PIBF1: variants seen among roughly 807,000 people sequenced by gnomAD.
The protein encoded by PIBF1 is progesterone-induced-blocking factor 1.
PIBF1 carries 90 observed loss-of-function variants against 112.5 expected under a neutral mutation model. The observed-to-expected ratio is 0.80, with a 90% CI of 0.67 to 0.95. The LOEUF is 0.95. Among genes scored for constraint, PIBF1 ranks in the 40% least tolerant of loss-of-function variants. The probability of loss-of-function intolerance (pLI) is 0.00; values close to 1 mark genes in which losing one functional copy is unlikely to be tolerated. For synonymous variants in PIBF1, 301 were observed against 288.6 expected, an observed-to-expected ratio of 1.04 and a Z score of -0.44; for missense variants, 915 against 852.3, an observed-to-expected ratio of 1.07 and a Z score of -0.92.
At chr13:72,895,831 C>A (rs978610408) in intron 11 of PIBF1, among the ~76,000 whole-genome samples, 5 of 152,074 alleles carry the variant, frequency 3.3e-5, no homozygotes, top group African/African-American at 9.7e-5. Context: ...CTGCAGGACC[C>A]GGAAGACACC....
At position 72,821,896 on chromosome 13, in the gene PIBF1, T is replaced by G. The variant is rs191281785; in HGVS notation, c.720T>G (p.Cys240Trp). The change falls in exon 6 of 18, where the codon TGT (cysteine) becomes TGG (tryptophan). Residue 240 changes from cysteine to tryptophan, a missense_variant. Physicochemically the swap from Cys to Trp is radical, Grantham distance 215 (BLOSUM62 -2). Coordinates refer to ENST00000326291, the MANE Select transcript of PIBF1 (RefSeq NM_006346.4). ...RKNYSEVQIR[C>W]QRLALELADT... ...ACTACTCTGAAGTTCAAATTAGATG[T>G]CAACGTTTGGCCTTAGAATTAGCAG... The G allele has an allele frequency of 2.9e-5, 47 of 1,612,890 alleles. No homozygotes were observed. The highest frequency in any genetic ancestry group is 1.2e-4 in the Admixed American group (7 of 59,942).
Position 72,944,170 on chromosome 13 carries a change from G to A in PIBF1, c.1833+12903G>A, listed in dbSNP as rs939879112. Among the ~76,000 whole-genome samples the A allele has an allele frequency of 3.3e-5, 5 of 152,148 alleles. No homozygotes were observed. In the South Asian group the frequency reaches 1.0e-3, roughly 32 times the overall value. ...ATATAGGAGTATTCAGAATAAGCCGGGTGTGGTGGCTAATGCCTGTAATCC... is the reference window on the plus strand; with the variant it reads ...ATATAGGAGTATTCAGAATAAGCCGAGTGTGGTGGCTAATGCCTGTAATCC... On this transcript the variant is annotated intron_variant, in intron 14 of 17. Transcript: ENST00000326291.
intron 14 of PIBF1, among the ~76,000 whole-genome samples, chr13:72,931,706 C>T (rs2138768179): frequency 1.3e-5 from 1 of 79,380 alleles, no homozygotes; most frequent in African/African-American, 4.3e-5. Flanking sequence ...AGCCTTATGT[C>T]ATTTAAACTA....
At chr13:72,871,688 T>C (rs1406247247) in intron 10 of PIBF1, among the ~76,000 whole-genome samples, 1 of 152,192 alleles carries the variant, frequency 6.6e-6, no homozygotes. Context: ...GAAAAATAGG[T>C]TGGAGCTCAC....
At chr13:72,861,655 C>G (rs2038703473) in intron 10 of PIBF1, among the ~76,000 whole-genome samples, 1 of 152,114 alleles carries the variant, frequency 6.6e-6, no homozygotes, top group Middle Eastern at 3.2e-3. Flanking sequence ...GCCTCCACCT[C>G]CCAGAGTTCA....
chr13:72,804,025 C>T (rs1593924697), intron 5 of PIBF1, among the ~76,000 whole-genome samples: 1 of 152,132 alleles, frequency 6.6e-6, no homozygotes, highest in African/African-American at 2.4e-5. Context: ...TTTCTTTCCT[C>T]TTCAGTCTGT....
At chr13:72,914,952 C>T (rs771557460) in intron 12 of PIBF1, among the ~76,000 whole-genome samples, 1 of 152,062 alleles carries the variant, frequency 6.6e-6, no homozygotes, top group Non-Finnish European at 1.5e-5. Context: ...GTTGCTCTCT[C>T]TATTAGCAGA....
chr13:72,818,792 G>A (rs1025900886), intron 5 of PIBF1, among the ~76,000 whole-genome samples: 3 of 144,154 alleles, frequency 2.1e-5, no homozygotes, highest in African/African-American at 7.8e-5. Flanking sequence ...GAGCACTACT[G>A]GCAAAAATCA....
chr13:72,876,940 C>T (rs2039434057), intron 10 of PIBF1, among the ~76,000 whole-genome samples: 1 of 152,092 alleles, frequency 6.6e-6, no homozygotes, highest in Admixed American at 6.6e-5. Context: ...GCATCAACTT[C>T]GAATATGATG....
At chr13:72,867,019 C>A (rs2038956851) in intron 10 of PIBF1, among the ~76,000 whole-genome samples, 1 of 152,150 alleles carries the variant, frequency 6.6e-6, no homozygotes, top group African/African-American at 2.4e-5. Context: ...TAAGTCTGTG[C>A]TTCATACAGT....
intron 14 of PIBF1, among the ~76,000 whole-genome samples, chr13:72,942,283 A>AAC (rs1236886321): frequency 2.7e-5 from 4 of 150,856 alleles, no homozygotes; most frequent in Non-Finnish European, 5.9e-5. Flanking sequence ...AAAAAAAAAA[A>AAC]CCCACTGTTT....
At chr13:72,975,829 CA>C (rs1213583998) in intron 16 of PIBF1, among the ~76,000 whole-genome samples, 2 of 152,192 alleles carry the variant, frequency 1.3e-5, no homozygotes, top group South Asian at 2.1e-4. Flanking sequence ...CTGATTCATT[CA>C]CTATGTGGAA....
At chr13:73,011,054 G>GACCT (rs931448248) in intron 17 of PIBF1, among the ~76,000 whole-genome samples, 10 of 149,448 alleles carry the variant, frequency 6.7e-5, no homozygotes, top group African/African-American at 1.9e-4. Context: ...TCGAACTCCT[G>GACCT]ACCTCAGGTG....
rs768587897 is a variant in PIBF1 at position 72,835,303 on chromosome 13, G to A, written c.1158G>A (p.Leu386=). 2 of 1,597,238 alleles carry A rather than the reference G, an allele frequency of 1.3e-6. No individual in the cohort carries two copies. Among genetic ancestry groups the A allele is most frequent in the South Asian group, 1.1e-5 (1 of 87,892 alleles). The part of the protein sequence containing the change: ...KLHDELEQIR[L]KTNQEIDQLR... ...ATGATGAACTAGAACAAATCAGATT[G>A]AAAACCAACCAAGAAATTGATCAAC... is the stretch of plus-strand genomic sequence containing the variant. The change falls in exon 9 of 18, where the codon TTG becomes TTA. Residue 386 remains leucine (L), a synonymous_variant. Coordinates refer to ENST00000326291, the MANE Select transcript of PIBF1 (RefSeq NM_006346.4).
At chr13:72,799,468 G>C (rs1229703107) in intron 5 of PIBF1, among the ~76,000 whole-genome samples, 1 of 152,176 alleles carries the variant, frequency 6.6e-6, no homozygotes, top group African/African-American at 2.4e-5. Context: ...TAGAGGGGCA[G>C]ATGTGCCCCC....
chr13:72,998,794 A>C, intron 16 of PIBF1, 28 bp from the exon 17 acceptor site: 1 of 1,555,526 alleles, frequency 6.4e-7, no homozygotes, highest in Non-Finnish European at 8.8e-7. Flanking sequence ...CACTCTTGCT[A>C]CTTTCTTCTG....
chr13:72,790,562 G>A (rs1345187442), intron 2 of PIBF1, among the ~76,000 whole-genome samples: 1 of 132,806 alleles, frequency 7.5e-6, no homozygotes, highest in Non-Finnish European at 1.6e-5. Context: ...TAGATAGATA[G>A]ATAAATCAGC....
intron 9 of PIBF1, among the ~76,000 whole-genome samples, chr13:72,841,811 G>A (rs1254856386): frequency 1.3e-5 from 2 of 152,018 alleles, no homozygotes; most frequent in Non-Finnish European, 2.9e-5. Context: ...TTTTTAGGGT[G>A]GCCCGTGAGG....
chr13:73,003,198 C>T (rs371495687), intron 17 of PIBF1, among the ~76,000 whole-genome samples: 37 of 151,660 alleles, frequency 2.4e-4, no homozygotes, highest in Non-Finnish European at 3.4e-4. Flanking sequence ...GTTATATGAA[C>T]GACATGATTC....
Sources: gnomAD v4.1 joint callset for allele counts (sites outside exome capture counted in the v4.1 genomes callset) on GRCh38, gnomAD v4.1.1 for gene constraint, MANE v1.5 for transcripts, NCBI Gene and HGNC (gene_info 2026-07-23, HGNC 2026-07-21) for gene names.